The following ANAPC4 variants were observed in gnomAD, a reference collection of about 807,000 sequenced individuals.
ANAPC4 encodes anaphase promoting complex subunit 4.
ANAPC4 carries 63 observed loss-of-function variants against 119.8 expected under a neutral mutation model. The ratio of observed to expected loss-of-function variants is 0.53; its 90% CI spans 0.43 to 0.65. ANAPC4 has a LOEUF of 0.65. Ranked by LOEUF, ANAPC4 falls within the 30% of genes least tolerant of loss-of-function variation. ANAPC4 has a pLI of 0.00. For synonymous variants in ANAPC4, 283 were observed against 318.6 expected (o/e 0.89, Z 1.19); for missense variants, 716 against 945.1 (o/e 0.76, Z 3.18).
chr4:25,415,834 T>C, intron 26 of ANAPC4: 1 of 273,948 alleles, frequency 3.7e-6, no homozygotes, highest in Non-Finnish European at 6.8e-6. Flanking sequence ...CCTGCAGGGC[T>C]GAAGTTCTTG....
In ANAPC4 at chr4:25,405,535, T is replaced by A; in HGVS notation, c.1271-38T>A. 6.4e-7 allele frequency: 1 copy of A among 1,569,810 alleles called. No individual in the cohort carries two copies. On this transcript the variant is annotated intron_variant, in intron 17 of 28. Coordinates refer to ENST00000315368, the MANE Select transcript of ANAPC4 (RefSeq NM_013367.3). The surrounding 1 kb of genome is among the most constrained non-coding windows in gnomAD (Gnocchi z 4.6). ...TTATAATTAAAATTATGTTTGTAGT[T>A]TGCTTTTAAAGATAGTTTTTTAACT...
rs928530178 is a variant in ANAPC4 at position 25,393,898 on chromosome 4, C to G, written c.876+7C>G. 7 of 1,600,468 alleles carry G rather than the reference C, an allele frequency of 4.4e-6. No homozygotes were observed. The highest frequency in any genetic ancestry group is 1.7e-5 in the Admixed American group (1 of 58,028). On this transcript the variant is annotated splice_region_variant and intron_variant, in intron 11 of 28. Transcript: ENST00000315368. ...TCTCACCAAGTTTGTGCAGGTAAAG[C>G]AGCTGAAGTTTCCCATGGAGAGAGT...
Position 25,402,989 on chromosome 4 carries a change from GA to G in ANAPC4, c.1238del (p.Asn413ThrfsTer14). 1 of 1,598,126 alleles carries G rather than the reference GA, an allele frequency of 6.3e-7. No homozygotes were observed. The highest frequency in any genetic ancestry group is 8.6e-7 in the Non-Finnish European group (1 of 1,169,128). ...TCTTTAGAGTTATAGATAGTAGTAT[GA>G]AAAACTTCAAAGCATTTTTTCGGTG... The part of the protein sequence containing the change: ...ELLQVIDSSM[K>X]NFKAFFRWLY... On this transcript the variant is annotated frameshift_variant, in exon 17 of 29. Coordinates refer to ENST00000315368, the MANE Select transcript of ANAPC4 (RefSeq NM_013367.3). LOFTEE classifies it high-confidence loss of function.
chr4:25,402,318 G>A (rs1019103577), intron 16 of ANAPC4, among the ~76,000 whole-genome samples: 7 of 152,114 alleles, frequency 4.6e-5, no homozygotes, highest in East Asian at 3.8e-4. Flanking sequence ...AATAATTATC[G>A]TATACATGTG....
intron 20 of ANAPC4, 118 bp from the exon 21 acceptor site, chr4:25,409,580 T>G (rs2305953): frequency 0.46 from 295,350 of 647,612 alleles, 73,097 homozygotes; most frequent in Non-Finnish European, 0.52. Context: ...TAAACCGATT[T>G]TAGGCCCTAA....
chr4:25,387,410 A>AG (rs2109115548), intron 4 of ANAPC4, among the ~76,000 whole-genome samples: 1 of 152,354 alleles, frequency 6.6e-6, no homozygotes, highest in African/African-American at 2.4e-5. Context: ...TTGGATGACA[A>AG]GGGTTTGACC....
intron 20 of ANAPC4, among the ~76,000 whole-genome samples, chr4:25,408,553 G>A (rs982726271): frequency 6.7e-6 from 1 of 149,770 alleles, no homozygotes; most frequent in African/African-American, 2.5e-5. Context: ...TTTTTTTTGA[G>A]ACAAGATATT....
Position 25,388,706 on chromosome 4 carries a change from T to C in ANAPC4, c.444-11T>C. On this transcript the variant is annotated splice_polypyrimidine_tract_variant and intron_variant, in intron 5 of 28. Coordinates refer to ENST00000315368, the MANE Select transcript of ANAPC4 (RefSeq NM_013367.3). Reference sequence around the variant, plus strand: ...AGAGTATTTTTTACCTTAATCTCTGTTTCCTTCTAGCTATAGCAACACCTC... The same window carrying C: ...AGAGTATTTTTTACCTTAATCTCTGCTTCCTTCTAGCTATAGCAACACCTC... 1.2e-6 allele frequency: 2 copies of C among 1,602,944 alleles called. No homozygotes were observed. Among genetic ancestry groups the C allele is most frequent in the African/African-American group, 1.3e-5 (1 of 74,500 alleles).
chr4:25,395,228 AC>A (rs1247317071), intron 14 of ANAPC4: 2 of 187,004 alleles, frequency 1.1e-5, no homozygotes, highest in Non-Finnish European at 2.2e-5. Context: ...TTTACAGTTT[AC>A]CAAGAATATT....
Position 25,387,114 on chromosome 4 carries a change from G to GT in ANAPC4, c.369-1380dup, listed in dbSNP as rs201445520. The stretch of plus-strand genomic sequence containing the variant: ...GAGCATTCTGTCTAATGCTGGACAG[G>GT]TTTTTTCTTTGTCCATGGTCCTGAT... On this transcript the variant is annotated intron_variant, in intron 4 of 28. Transcript: ENST00000315368. Among the ~76,000 whole-genome samples the GT allele has an allele frequency of 9.9e-3, 1,501 of 152,172 alleles. 14 individuals are homozygous for GT. The highest frequency in any genetic ancestry group is 0.013 in the Non-Finnish European group (915 of 68,002).
intron 26 of ANAPC4, chr4:25,416,093 T>G (rs1421415814): frequency 1.6e-5 from 3 of 189,364 alleles, no homozygotes; most frequent in Non-Finnish European, 3.2e-5. Flanking sequence ...TCTAGTCAAC[T>G]CTGCTGAATG....
At chr4:25,397,014 C>G (rs898234850) in intron 16 of ANAPC4, 115 bp downstream of exon 16, 14 of 1,057,130 alleles carry the variant, frequency 1.3e-5, no homozygotes, top group Non-Finnish European at 1.9e-5. Flanking sequence ...ATTTTTATCA[C>G]AATTATGCCT....
chr4:25,389,058 T>C (rs372964871), intron 7 of ANAPC4, among the ~76,000 whole-genome samples, 176 bp downstream of exon 7: 1 of 152,196 alleles, frequency 6.6e-6, no homozygotes, highest in Non-Finnish European at 1.5e-5. Flanking sequence ...TGTCGTGATA[T>C]TGGCTCACTA....
chr4:25,398,079 A>G (rs1722757348), intron 16 of ANAPC4, among the ~76,000 whole-genome samples: 1 of 152,064 alleles, frequency 6.6e-6, no homozygotes, highest in Non-Finnish European at 1.5e-5. Flanking sequence ...TCTTTGTTTT[A>G]AACTAGATTT....
chr4:25,394,004 T>C, intron 11 of ANAPC4, 113 bp downstream of exon 11: 2 of 908,722 alleles, frequency 2.2e-6, no homozygotes, highest in Non-Finnish European at 1.6e-6. Flanking sequence ...AGATCATAAT[T>C]TCTTTCAAAT....
intron 18 of ANAPC4, among the ~76,000 whole-genome samples, chr4:25,406,405 A>C (rs1026577585): frequency 6.6e-6 from 1 of 152,222 alleles, no homozygotes. Context: ...AAATTGGGAT[A>C]AATTCAGGTC....
chr4:25,377,383 G>A (rs762869890), intron 1 of ANAPC4, 35 bp from the exon 2 acceptor site: 8 of 1,607,702 alleles, frequency 5.0e-6, no homozygotes, highest in Middle Eastern at 1.8e-4. Context: ...AGAGCCGGGG[G>A]CTCCTGCCGG....
chr4:25,393,992 T>C, intron 11 of ANAPC4, 101 bp downstream of exon 11: 1 of 975,960 alleles, frequency 1.0e-6, no homozygotes, highest in Non-Finnish European at 1.5e-6. Flanking sequence ...CATAAAAGGC[T>C]AAGATCATAA....
intron 16 of ANAPC4, among the ~76,000 whole-genome samples, chr4:25,399,093 T>C (rs1196943940): frequency 1.5e-5 from 2 of 137,768 alleles, no homozygotes; most frequent in Non-Finnish European, 3.2e-5. Flanking sequence ...TATACTGTAT[T>C]TATCATATAA....
Sources: gnomAD v4.1 joint callset for allele counts (sites outside exome capture counted in the v4.1 genomes callset) on GRCh38, gnomAD v4.1.1 for gene constraint, Gnocchi (gnomAD v3.1) non-coding constraint, MANE v1.5 for transcripts, NCBI Gene and HGNC (gene_info 2026-07-23, HGNC 2026-07-21) for gene names.